SLC35F5: variants seen among roughly 807,000 people sequenced by gnomAD.
The protein encoded by SLC35F5 is HCV NS5A-transactivated protein 3.
SLC35F5 carries 54 observed loss-of-function variants against 68.6 expected under a neutral mutation model. The ratio of observed to expected loss-of-function variants is 0.79; its 90% CI spans 0.63 to 0.99. SLC35F5 has a LOEUF of 0.99. SLC35F5 is among the 50% of genes least tolerant of loss of function. The pLI is 0.00. For missense variants in SLC35F5, 567 were observed against 626.9 expected (o/e 0.90, Z 1.02); for synonymous variants, 211 against 205.2 (o/e 1.03, Z -0.24).
At position 113,713,038 on chromosome 2, in the gene SLC35F5, G is replaced by T. The variant is rs1462938727; in HGVS notation, c.*2180C>A. Reference sequence around the variant, plus strand: ...AAGATGAACCCTTAACTATGAAGGTGCAGAAAGGAAGTCTTCAACTGCTCA... The same window carrying T: ...AAGATGAACCCTTAACTATGAAGGTTCAGAAAGGAAGTCTTCAACTGCTCA... On this transcript the variant is annotated 3_prime_UTR_variant, in exon 16 of 16. Transcript: ENST00000245680. 1.3e-5 allele frequency: 2 copies of T among 152,174 alleles called. No individual in the cohort carries two copies. The highest frequency in any genetic ancestry group is 2.9e-5 in the Non-Finnish European group (2 of 68,036). 9.4% of individuals were successfully genotyped at this position (152,174 alleles called of 1,614,324 possible).
At chr2:113,755,924 C>T (rs964431708) in intron 1 of SLC35F5, 120 of 1,550,370 alleles carry the variant, frequency 7.7e-5, no homozygotes, top group Non-Finnish European at 9.6e-5. Flanking sequence ...TCTTTTCTGT[C>T]CCTGATCTGC....
intron 15 of SLC35F5, among the ~76,000 whole-genome samples, chr2:113,715,914 C>T (rs1381499417): frequency 2.0e-5 from 3 of 151,928 alleles, no homozygotes; most frequent in African/African-American, 4.8e-5. Flanking sequence ...ACTTGTTCTC[C>T]AAAACCTCAC....
chr2:113,704,550 G>T (rs529712332), downstream of SLC35F5, among the ~76,000 whole-genome samples: 5 of 152,136 alleles, frequency 3.3e-5, no homozygotes, highest in African/African-American at 1.2e-4. Flanking sequence ...GCCCTGCCCC[G>T]CGGGGAGGCA....
chr2:113,734,454 T>C (rs1322548274), intron 9 of SLC35F5, 132 bp downstream of exon 9: 5 of 597,282 alleles, frequency 8.4e-6, no homozygotes, highest in Non-Finnish European at 1.5e-5. Flanking sequence ...AGTAGCATCA[T>C]GTCCACTTAA....
In SLC35F5 at chr2:113,708,650, G is replaced by A. The variant is rs1215555212; in HGVS notation, c.*6568C>T. On this transcript the variant is annotated 3_prime_UTR_variant, in exon 16 of 16. Transcript: ENST00000245680. ...GAACCCAGGAGGCAGAGGTTAGAGT[G>A]AGCCGAGATCGTGCCACTGCACTTC... Among the ~76,000 whole-genome samples the A allele has an allele frequency of 6.6e-6, 1 of 152,240 alleles. No homozygotes were observed. The highest frequency in any genetic ancestry group is 1.9e-4 in the East Asian group (1 of 5,184).
chr2:113,738,858 C>A (rs1024859516), intron 7 of SLC35F5, among the ~76,000 whole-genome samples: 1 of 151,848 alleles, frequency 6.6e-6, no homozygotes, highest in Non-Finnish European at 1.5e-5. Flanking sequence ...GATTTTAGTA[C>A]CAAAAAAGAA....
intron 4 of SLC35F5, among the ~76,000 whole-genome samples, chr2:113,748,846 C>G (rs1253830629): frequency 1.3e-5 from 2 of 151,678 alleles, no homozygotes; most frequent in Admixed American, 6.6e-5. Flanking sequence ...TCACTGTCAC[C>G]AGGCTGGAGT....
In SLC35F5 at chr2:113,750,450, C is replaced by T; in HGVS notation, c.392G>A (p.Gly131Glu). Reference protein sequence around the residue: ...WKPWRQQCTRGLRGKHAAFFA... With the variant: ...WKPWRQQCTRELRGKHAAFFA... ...AAAAGCAGCATGCTTTCCGCGAAGT[C>T]CTCTTGTACACTGTTGTCTCCATGG... is the stretch of plus-strand genomic sequence containing the variant. Residue 131 changes from glycine to glutamate, a missense_variant, in exon 4 of 16, where the codon GGA becomes GAA. Gly to Glu is a moderately conservative substitution (Grantham distance 98). Transcript: ENST00000245680. 2.5e-6 allele frequency: 4 copies of T among 1,606,362 alleles called. No individual in the cohort carries two copies. The highest frequency in any genetic ancestry group is 1.1e-5 in the South Asian group (1 of 89,554).
rs2104946195 is a variant in SLC35F5 at position 113,708,242 on chromosome 2, A to C, written c.*6976T>G. 1.3e-5 allele frequency among the ~76,000 whole-genome samples: 2 copies of C among 152,360 alleles called. No homozygotes were observed. The highest frequency in any genetic ancestry group is 6.8e-3 in the Middle Eastern group (2 of 294). On this transcript the variant is annotated 3_prime_UTR_variant, in exon 16 of 16. Coordinates refer to ENST00000245680, the MANE Select transcript of SLC35F5 (RefSeq NM_025181.5). ...TCCCAACATTGCAGTAAAGCAGTCTAGATGGCTGGGGAAAGGTAAAAGAAC... is the reference window on the plus strand; with the variant it reads ...TCCCAACATTGCAGTAAAGCAGTCTCGATGGCTGGGGAAAGGTAAAAGAAC...
chr2:113,743,653 TAAGTTCTG>T (rs1052642724), intron 6 of SLC35F5, 52 bp downstream of exon 6: 1 of 1,373,652 alleles, frequency 7.3e-7, no homozygotes, highest in Non-Finnish European at 1.0e-6. Flanking sequence ...ACATCATCAC[TAAGTTCTG>T]AAGTGGCTTG....
Position 113,714,980 on chromosome 2 carries a change from T to C in SLC35F5, c.*238A>G, listed in dbSNP as rs183707858. 127 of 152,740 alleles carry C rather than the reference T, an allele frequency of 8.3e-4. 1 individual carries two copies. The highest frequency in any genetic ancestry group is 2.8e-3 in the African/African-American group (116 of 41,580). 9.5% of individuals were successfully genotyped at this position (152,740 alleles called of 1,614,324 possible). ...GTGTAAGGCAGGTTGGTCCTTTGGA[T>C]GGACTGTAGACTGAAACTTCCTATA... On this transcript the variant is annotated 3_prime_UTR_variant, in exon 16 of 16. Coordinates refer to ENST00000245680, the MANE Select transcript of SLC35F5 (RefSeq NM_025181.5).
chr2:113,737,949 T>A (rs1021293303), intron 7 of SLC35F5, among the ~76,000 whole-genome samples: 10 of 151,586 alleles, frequency 6.6e-5, no homozygotes, highest in Non-Finnish European at 1.3e-4. Context: ...TAGTAATTCA[T>A]TTTTAAATTG....
intron 7 of SLC35F5, among the ~76,000 whole-genome samples, chr2:113,739,567 C>T (rs1240810965): frequency 6.6e-6 from 1 of 152,078 alleles, no homozygotes; most frequent in Non-Finnish European, 1.5e-5. Context: ...ATGATAATTA[C>T]GTATGTAATA....
At position 113,723,196 on chromosome 2, in the gene SLC35F5, T is replaced by C; in HGVS notation, c.1251-2A>G. ...AATGATGAGGTAAGAAAGCAGCCCCTAAAAAAAAGAAAATATACATTTCTA... is the reference window on the plus strand; with the variant it reads ...AATGATGAGGTAAGAAAGCAGCCCCCAAAAAAAAGAAAATATACATTTCTA... On this transcript the variant is annotated splice_acceptor_variant, in intron 12 of 15. Transcript: ENST00000245680. LOFTEE classifies it high-confidence loss of function. The C allele has an allele frequency of 6.5e-7, 1 of 1,528,708 alleles. No homozygotes were observed. Among genetic ancestry groups the C allele is most frequent in the African/African-American group, 1.4e-5 (1 of 71,652 alleles). The allele number at this position is 1,528,708 out of a possible 1,614,324, so 94.7% of individuals were successfully genotyped here. A position where few individuals can be genotyped will look rare whatever the true frequency, so the allele number is the denominator to read the frequency against.
chr2:113,721,513 A>C (rs1188814429), intron 13 of SLC35F5: 2 of 152,738 alleles, frequency 1.3e-5, no homozygotes, highest in African/African-American at 4.8e-5. Context: ...CATTTAATAC[A>C]ATTAGGTCCC....
Position 113,740,291 on chromosome 2 carries a change from T to C in SLC35F5, c.750+2401A>G, listed in dbSNP as rs144711316. Among the ~76,000 whole-genome samples the C allele has an allele frequency of 1.4e-4, 21 of 152,252 alleles. No individual in the cohort carries two copies. In the East Asian group the frequency reaches 3.9e-3, roughly 28 times the overall value. ...CTACTTCAGGTGAGCACACAACTCA[T>C]CCGTAGGCAGAAAGGCAGGGAGGCA... On this transcript the variant is annotated intron_variant, in intron 7 of 15. Coordinates refer to ENST00000245680, the MANE Select transcript of SLC35F5 (RefSeq NM_025181.5).
At position 113,719,288 on chromosome 2, in the gene SLC35F5, A is replaced by G. The variant is rs1163452661; in HGVS notation, c.1362T>C (p.Phe454=). The part of the protein sequence containing the change: ...CMQKVQFSWL[F]FAGAIPVFFS... ...AAAATACAGGGATAGCTCCTGCAAA[A>G]AATAACCAAGAAAACTGCACCTAAA... is the stretch of plus-strand genomic sequence containing the variant. The change falls in exon 14 of 16, where the codon TTT becomes TTC. Residue 454 remains phenylalanine (F), a synonymous_variant. Coordinates refer to ENST00000245680, the MANE Select transcript of SLC35F5 (RefSeq NM_025181.5). 1.9e-6 allele frequency: 3 copies of G among 1,556,900 alleles called. No individual in the cohort carries two copies. Among genetic ancestry groups the G allele is most frequent in the East Asian group, 2.3e-5 (1 of 43,686 alleles).
chr2:113,748,594 G>A (rs921102328), intron 4 of SLC35F5, among the ~76,000 whole-genome samples: 4 of 151,928 alleles, frequency 2.6e-5, no homozygotes, highest in Admixed American at 6.6e-5. Flanking sequence ...TCTCTGTAGC[G>A]TCTAAATTTT....
chr2:113,704,418 G>A (rs936313130), downstream of SLC35F5, among the ~76,000 whole-genome samples: 3 of 152,218 alleles, frequency 2.0e-5, no homozygotes, highest in Non-Finnish European at 4.4e-5. Context: ...CGCGCCCTGC[G>A]CCCGCACTCC....
Sources: allele counts gnomAD v4.1 joint callset (sites outside exome capture counted in the v4.1 genomes callset), GRCh38; gene constraint gnomAD v4.1.1; transcripts MANE v1.5; gene names NCBI Gene and HGNC (gene_info 2026-07-23, HGNC 2026-07-21).